Variants in MYO16 observed in about 807,000 individuals in gnomAD.
MYO16 encodes unconventional myosin-XVI.
MYO16 carries 94 observed loss-of-function variants against 205.3 expected under a neutral mutation model. That is an observed-to-expected ratio of 0.46 (90% CI 0.39 to 0.54). The LOEUF (loss-of-function observed/expected upper bound fraction) is 0.54, where lower values mean the gene tolerates loss of function less well. MYO16 is among the 20% of genes least tolerant of loss of function. MYO16 has a pLI of 0.00. For missense variants in MYO16, 2,315 were observed against 2,387.5 expected, an observed-to-expected ratio of 0.97 and a Z score of 0.63; for synonymous variants, 988 against 954.0, an observed-to-expected ratio of 1.04 and a Z score of -0.66.
chr13:108,889,539 G>T (rs1880061756), intron 14 of MYO16, among the ~76,000 whole-genome samples: 1 of 152,194 alleles, frequency 6.6e-6, no homozygotes, highest in Admixed American at 6.5e-5. Context: ...ATGGCTAACA[G>T]TGGGGGGAAC....
chr13:108,533,525 T>A, the MYO16 span, among the ~76,000 whole-genome samples: 1 of 152,236 alleles, frequency 6.6e-6, no homozygotes, highest in Non-Finnish European at 1.5e-5. Flanking sequence ...TTTTGGACAC[T>A]GAAGCTTGGG....
rs1034603489 is a variant in MYO16, at chr13:109,120,462, A to C, written c.3531A>C (p.Gln1177His). The change falls in exon 29 of 35, where the codon CAA (glutamine) becomes CAC (histidine). Residue 1177 changes from glutamine (Q) to histidine (H), a missense_variant. By Grantham distance (24) the Gln-to-His change is conservative. Around this residue, in one of 3 missense-constraint regions of MYO16, gnomAD observed 1,097 missense variants for 1,092.0 expected, o/e 1.00. Transcript: ENST00000457511. ...LQLQRKIITC[Q>H]KVIRGFLARQ... ...TGCAGAGAAAAATTATAACCTGCCA[A>C]AAAGGTAACATTTATATGCCAACAT... 6.2e-7 allele frequency: 1 copy of C among 1,606,316 alleles called. No homozygotes were observed. Among genetic ancestry groups the C allele is most frequent in the African/African-American group, 1.3e-5 (1 of 74,710 alleles).
At chr13:109,029,039 G>A (rs1013468095) in intron 23 of MYO16, among the ~76,000 whole-genome samples, 1 of 146,334 alleles carries the variant, frequency 6.8e-6, no homozygotes, top group Non-Finnish European at 1.5e-5. Context: ...CATTGATGCT[G>A]CAATGCTGCA....
chr13:108,940,595 C>T lies in MYO16; in HGVS notation c.1926-17093C>T, dbSNP rs527845616. ...GAAGTCCATTTAGAAGTAACACAGA[C>T]GCTTAGAGTAAATGTGCTTGTAATA... On this transcript the variant is annotated intron_variant, in intron 16 of 34. Coordinates refer to ENST00000457511, the MANE Select transcript of MYO16 (RefSeq NM_001198950.3). Among the ~76,000 whole-genome samples, 22 of 152,156 alleles carry T rather than the reference C, an allele frequency of 1.4e-4. 1 individual carries two copies. Among genetic ancestry groups the T allele is most frequent in the African/African-American group, 2.7e-4 (11 of 41,494 alleles).
At chr13:109,054,268 AT>A in intron 25 of MYO16, 1 of 364,690 alleles carries the variant, frequency 2.7e-6, no homozygotes, top group Non-Finnish European at 5.5e-6. Flanking sequence ...ATATTTGCTT[AT>A]TTGAAAAAAA....
intron 5 of MYO16, 84 bp from the exon 6 acceptor site, chr13:108,793,432 G>C: frequency 7.5e-7 from 1 of 1,336,032 alleles, no homozygotes; most frequent in Non-Finnish European, 1.0e-6. Flanking sequence ...CACATTGAAA[G>C]AATAGGTTAT....
intron 13 of MYO16, 107 bp from the exon 14 acceptor site, chr13:108,888,265 A>T: frequency 1.5e-6 from 1 of 682,614 alleles, no homozygotes; most frequent in South Asian, 2.2e-5. Context: ...AAATATCTCC[A>T]GTTAATTTTT....
chr13:108,651,118 A>G (rs1260742335), intron 1 of MYO16, among the ~76,000 whole-genome samples: 1 of 152,208 alleles, frequency 6.6e-6, no homozygotes, highest in East Asian at 1.9e-4. Flanking sequence ...CAGGGCTTCA[A>G]ATCAGCAGGC....
the MYO16 span, among the ~76,000 whole-genome samples, chr13:108,564,421 G>A: frequency 5.3e-5 from 8 of 151,924 alleles, no homozygotes; most frequent in East Asian, 5.8e-4. Context: ...TGCCCATCTC[G>A]GCCTCCTGAA....
At position 109,019,855 on chromosome 13, in the gene MYO16, A is replaced by G. The variant is rs749320116; in HGVS notation, c.2740A>G (p.Asn914Asp). 6.2e-7 allele frequency: 1 copy of G among 1,614,148 alleles called. No individual in the cohort carries two copies. The highest frequency in any genetic ancestry group is 1.1e-5 in the South Asian group (1 of 91,080). The change falls in exon 23 of 35, where the codon AAT becomes GAT. Residue 914 changes from asparagine (N) to aspartate (D), a missense_variant. By Grantham distance (23) the Asn-to-Asp change is conservative. Coordinates refer to ENST00000457511, the MANE Select transcript of MYO16 (RefSeq NM_001198950.3). Reference protein sequence around the residue: ...VYSPMKDGNGNVALKDHGTAF... With the variant: ...VYSPMKDGNGDVALKDHGTAF... The stretch of plus-strand genomic sequence containing the variant: ...CTCCCCCATGAAGGATGGGAATGGG[A>G]ATGTTGCCCTCAAAGACCACGGTAC...
chr13:109,125,118 G>C lies in MYO16; in HGVS notation c.3542G>C (p.Arg1181Thr), dbSNP rs567225624. The change falls in exon 30 of 35, where the codon AGA (arginine) becomes ACA (threonine). Residue 1181 changes from arginine to threonine, a missense_variant. Arg to Thr is a moderately conservative substitution (Grantham distance 71). Around this residue, in one of 3 missense-constraint regions of MYO16, gnomAD observed 1,097 missense variants for 1,092.0 expected, o/e 1.00. Coordinates refer to ENST00000457511, the MANE Select transcript of MYO16 (RefSeq NM_001198950.3). The surrounding 1 kb of genome is among the most constrained non-coding windows in gnomAD (Gnocchi z 4.0). ...RKIITCQKVI[R>T]GFLARQHLLQ... ...CATGATCCTTCTATAAAAGTTATCA[G>C]AGGATTTTTAGCACGCCAGCACCTG... 1 of 1,613,892 alleles carries C rather than the reference G, an allele frequency of 6.2e-7. No homozygotes were observed. Among genetic ancestry groups the C allele is most frequent in the African/African-American group, 1.3e-5 (1 of 74,876 alleles).
intron 1 of MYO16, among the ~76,000 whole-genome samples, chr13:108,602,227 A>G (rs1008401476): frequency 2.0e-5 from 3 of 151,934 alleles, no homozygotes; most frequent in African/African-American, 7.3e-5. Context: ...GATTTAAGCC[A>G]TGTGGCCTCA....
intron 31 of MYO16, among the ~76,000 whole-genome samples, chr13:109,133,783 A>G (rs1004795155): frequency 2.0e-5 from 3 of 152,172 alleles, no homozygotes; most frequent in Admixed American, 1.3e-4. Flanking sequence ...ATTTTTAATA[A>G]CCCTCTAACC....
At chr13:109,096,333 G>A (rs556909314) in intron 27 of MYO16, among the ~76,000 whole-genome samples, 6 of 152,072 alleles carry the variant, frequency 3.9e-5, no homozygotes, top group Admixed American at 2.0e-4. Context: ...TGTGTCTCCC[G>A]TGGCGTTTCC....
chr13:108,630,308 A>G (rs1225339796), intron 1 of MYO16, among the ~76,000 whole-genome samples: 2 of 152,188 alleles, frequency 1.3e-5, no homozygotes, highest in Non-Finnish European at 2.9e-5. Context: ...CCTCTATTCA[A>G]TGCTTTTTGT....
At chr13:108,892,223 A>G (rs1880210586) in intron 14 of MYO16, among the ~76,000 whole-genome samples, 1 of 152,174 alleles carries the variant, frequency 6.6e-6, no homozygotes. Flanking sequence ...CATATTGAGC[A>G]CCTGCATAAT....
chr13:108,968,814 A>G (rs560258583), intron 20 of MYO16, among the ~76,000 whole-genome samples: 1 of 152,226 alleles, frequency 6.6e-6, no homozygotes, highest in South Asian at 2.1e-4. Context: ...GCCCTCTTAG[A>G]GCTTGGAGGA....
the MYO16 span, among the ~76,000 whole-genome samples, chr13:108,554,475 G>A: frequency 6.6e-6 from 1 of 152,082 alleles, no homozygotes; most frequent in Non-Finnish European, 1.5e-5. Context: ...TCTTATTCTT[G>A]TCCACTTATG....
intron 4 of MYO16, among the ~76,000 whole-genome samples, chr13:108,783,404 G>T (rs1371090133): frequency 1.3e-5 from 2 of 152,186 alleles, no homozygotes; most frequent in Non-Finnish European, 2.9e-5. Context: ...TATCTAAGAA[G>T]TAAGTAGCTT....
Sources: allele counts gnomAD v4.1 joint callset (sites outside exome capture counted in the v4.1 genomes callset), GRCh38; gene constraint gnomAD v4.1.1; regional missense constraint gnomAD v4.1.1; non-coding constraint Gnocchi (gnomAD v3.1); transcripts MANE v1.5; gene names NCBI Gene and HGNC (gene_info 2026-07-23, HGNC 2026-07-21).